Variants in NKAIN3 observed in about 807,000 individuals in gnomAD.
NKAIN3 encodes sodium/potassium transporting ATPase interacting 3, also known as sodium/potassium-transporting ATPase subunit beta-1-interacting protein 3.
In NKAIN3, 25 loss-of-function variants were observed where a neutral mutation model predicts 30.2. The observed-to-expected ratio is 0.83, with a 90% confidence interval of 0.60 to 1.16. NKAIN3 has a LOEUF of 1.16. Among genes scored for constraint, NKAIN3 ranks in the 50% most tolerant of loss-of-function variants. The probability of loss-of-function intolerance (pLI) is 0.00; values close to 1 mark genes in which losing one functional copy is unlikely to be tolerated. For missense variants in NKAIN3, 225 were observed against 254.1 expected (o/e 0.89, Z 0.78); for synonymous variants, 91 against 89.6 (o/e 1.02, Z -0.09).
chr8:62,848,480 T>C (rs1312966424), intron 4 of NKAIN3, among the ~76,000 whole-genome samples: 1 of 152,176 alleles, frequency 6.6e-6, no homozygotes, highest in Non-Finnish European at 1.5e-5. Flanking sequence ...TGACTGTTGT[T>C]GGTGTATAGG....
chr8:62,767,085 TACCTC>T (rs1816862159), intron 4 of NKAIN3, among the ~76,000 whole-genome samples: 1 of 152,130 alleles, frequency 6.6e-6, no homozygotes, highest in East Asian at 1.9e-4. Context: ...TTTATAATAG[TACCTC>T]AATTCCCTTT....
At chr8:62,582,133 T>TCC in intron 2 of NKAIN3, among the ~76,000 whole-genome samples, 1 of 76,084 alleles carries the variant, frequency 1.3e-5, no homozygotes, top group African/African-American at 3.9e-5. Context: ...CTTCCTTCCT[T>TCC]TCTTCCTTCC....
chr8:62,571,541 A>G (rs562581340), intron 1 of NKAIN3, among the ~76,000 whole-genome samples: 37 of 152,256 alleles, frequency 2.4e-4, no homozygotes, highest in Admixed American at 7.2e-4. Context: ...TCCACTAGGC[A>G]GTACCCCAGT....
chr8:62,942,540 T>A (rs1225063652), intron 5 of NKAIN3, among the ~76,000 whole-genome samples: 1 of 150,924 alleles, frequency 6.6e-6, no homozygotes, highest in African/African-American at 2.4e-5. Context: ...ATCCTAAAAT[T>A]CATGTGGAAC....
chr8:62,726,939 T>C (rs1815278444), intron 3 of NKAIN3, among the ~76,000 whole-genome samples: 1 of 152,084 alleles, frequency 6.6e-6, no homozygotes, highest in South Asian at 2.1e-4. Context: ...TGAACACATA[T>C]GCAAAAATCA....
intron 1 of NKAIN3, among the ~76,000 whole-genome samples, chr8:62,567,718 A>C (rs1201199902): frequency 2.0e-5 from 3 of 152,114 alleles, no homozygotes; most frequent in Admixed American, 6.6e-5. Context: ...GTTAAAAAAA[A>C]GGAAGTCTCC....
chr8:62,874,278 C>T (rs1011740214), intron 4 of NKAIN3, among the ~76,000 whole-genome samples: 1 of 151,954 alleles, frequency 6.6e-6, no homozygotes. Flanking sequence ...AAGACTAAAC[C>T]AAGAGGAAGT....
chr8:62,345,428 C>T (rs1256256981), intron 1 of NKAIN3, among the ~76,000 whole-genome samples: 1 of 119,946 alleles, frequency 8.3e-6, no homozygotes, highest in Non-Finnish European at 1.7e-5. Context: ...CACATATATA[C>T]ACATATATGT....
intron 5 of NKAIN3, among the ~76,000 whole-genome samples, chr8:62,938,282 G>C (rs1822849850): frequency 6.6e-6 from 1 of 151,966 alleles, no homozygotes; most frequent in African/African-American, 2.4e-5. Flanking sequence ...CCTGGCTGGA[G>C]GCTAACCAAC....
chr8:62,936,463 T>G (rs1822792942), intron 5 of NKAIN3, among the ~76,000 whole-genome samples: 1 of 152,094 alleles, frequency 6.6e-6, no homozygotes, highest in Non-Finnish European at 1.5e-5. Context: ...TCTTCCATAA[T>G]CTCACAAATG....
intron 4 of NKAIN3, among the ~76,000 whole-genome samples, chr8:62,754,429 A>G (rs1816385923): frequency 6.6e-6 from 1 of 152,096 alleles, no homozygotes; most frequent in South Asian, 2.1e-4. Flanking sequence ...TAGTAGAAAA[A>G]TCCTAATCTC....
intron 1 of NKAIN3, among the ~76,000 whole-genome samples, chr8:62,556,852 A>G (rs1203613887): frequency 1.3e-5 from 2 of 152,082 alleles, no homozygotes; most frequent in South Asian, 2.1e-4. Context: ...TTTAACACAC[A>G]TGGTTTAGTG....
downstream of NKAIN3, among the ~76,000 whole-genome samples, chr8:62,989,377 G>A (rs953835235): frequency 1.3e-5 from 2 of 152,166 alleles, no homozygotes; most frequent in Non-Finnish European, 2.9e-5. Flanking sequence ...CCATATGGCT[G>A]GGGAGACATC....
At chr8:62,798,115 G>C (rs563572213) in intron 4 of NKAIN3, among the ~76,000 whole-genome samples, 1 of 152,218 alleles carries the variant, frequency 6.6e-6, no homozygotes, top group Non-Finnish European at 1.5e-5. Context: ...TGTGAGTGAA[G>C]GTGGACCTCA....
At chr8:62,405,681 C>T (rs527927127) in intron 1 of NKAIN3, among the ~76,000 whole-genome samples, 9 of 152,268 alleles carry the variant, frequency 5.9e-5, no homozygotes, top group Admixed American at 2.6e-4. Flanking sequence ...CTCTTCAGTG[C>T]CTCTTTCAGT....
intron 1 of NKAIN3, among the ~76,000 whole-genome samples, chr8:62,333,725 T>C (rs1815432180): frequency 6.6e-6 from 1 of 152,134 alleles, no homozygotes; most frequent in Non-Finnish European, 1.5e-5. Context: ...TAAATAGACA[T>C]CATTAAATGC....
Position 62,993,614 on chromosome 8 carries a change from T to C in NKAIN3, c.533-5617T>C, listed in dbSNP as rs531744240. 5.3e-5 allele frequency among the ~76,000 whole-genome samples: 8 copies of C among 152,294 alleles called. No individual in the cohort carries two copies. The South Asian group carries it at 1.7e-3, about 32-fold the overall frequency. ...CTCCTTTTCAGCCTTCTATGGCCCCTTTGTCTCTCCAGCCTTTTTGCAAAC... is the reference window on the plus strand; with the variant it reads ...CTCCTTTTCAGCCTTCTATGGCCCCCTTGTCTCTCCAGCCTTTTTGCAAAC... On this transcript the variant is annotated intron_variant, in intron 5 of 5. Coordinates refer to the NKAIN3 transcript ENST00000519049.
chr8:62,404,796 C>T (rs1177789439), intron 1 of NKAIN3, among the ~76,000 whole-genome samples: 1 of 148,250 alleles, frequency 6.7e-6, no homozygotes, highest in East Asian at 2.0e-4. Context: ...ATACTGTGTA[C>T]TTTTCCCTGT....
At chr8:62,946,029 A>G (rs1399019738) in intron 5 of NKAIN3, among the ~76,000 whole-genome samples, 1 of 152,200 alleles carries the variant, frequency 6.6e-6, no homozygotes, top group Non-Finnish European at 1.5e-5. Flanking sequence ...CTATTCTTCC[A>G]GTTGGAACTG....
Sources: gnomAD v4.1 joint callset for allele counts (sites outside exome capture counted in the v4.1 genomes callset) on GRCh38, gnomAD v4.1.1 for gene constraint, MANE v1.5 for transcripts, NCBI Gene and HGNC (gene_info 2026-07-23, HGNC 2026-07-21) for gene names.